CDC42BPG: variants seen among roughly 807,000 people sequenced by gnomAD.
CDC42BPG encodes serine/threonine-protein kinase MRCK gamma.
Under a neutral mutation model 192.2 loss-of-function variants are expected in CDC42BPG, and 157 were observed. That is an observed-to-expected ratio of 0.82 (90% CI 0.72 to 0.93). The LOEUF is 0.93. Ranked by LOEUF, CDC42BPG falls within the 40% of genes least tolerant of loss-of-function variation. CDC42BPG has a pLI of 0.00. For missense variants in CDC42BPG, 1,992 were observed against 2,122.1 expected (o/e 0.94, Z 1.20); for synonymous variants, 981 against 918.5 (o/e 1.07, Z -1.23).
In CDC42BPG at chr11:64,839,622, GC is replaced by G. The variant is rs754400903; in HGVS notation, c.582-52del. The G allele has an allele frequency of 6.7e-6, 10 of 1,485,292 alleles. No individual in the cohort carries two copies. In the African/African-American group the frequency reaches 1.1e-4, roughly 16 times the overall value. The allele number at this position is 1,485,292 out of a possible 1,614,324, so 92.0% of individuals were successfully genotyped here. On this transcript the variant is annotated intron_variant, in intron 5 of 36. Transcript: ENST00000342711. Reference sequence around the variant, plus strand: ...GAGGCGTTTGACCTGTGTGTAAGTGGCCATTTAGGCACACGCCCAGGTGCAC... The same window carrying G: ...GAGGCGTTTGACCTGTGTGTAAGTGGCATTTAGGCACACGCCCAGGTGCAC...
chr11:64,823,793 T>C lies in CDC42BPG; in HGVS notation c.*680A>G, dbSNP rs1269467657. On this transcript the variant is annotated 3_prime_UTR_variant, in exon 37 of 37. Transcript: ENST00000342711. ...CACCCCTCCCCAGAGAAAGGACCCT[T>C]TGTTCTCCAGACTCCCTCTCTCCTC... 1 of 153,506 alleles carries C rather than the reference T, an allele frequency of 6.5e-6. No homozygotes were observed. The highest frequency in any genetic ancestry group is 2.4e-5 in the African/African-American group (1 of 41,406). 9.5% of individuals were successfully genotyped at this position (153,506 alleles called of 1,614,324 possible).
intron 4 of CDC42BPG, 140 bp from the exon 5 acceptor site, chr11:64,840,408 G>A (rs1943228277): frequency 2.8e-6 from 4 of 1,403,946 alleles, no homozygotes; most frequent in Non-Finnish European, 3.9e-6. Flanking sequence ...GGCTCAGGCA[G>A]GAGGCGCCAA....
At chr11:64,841,511 A>C (rs1943279968) in intron 3 of CDC42BPG, 139 bp downstream of exon 3, 1 of 688,790 alleles carries the variant, frequency 1.5e-6, no homozygotes. Context: ...AAGATAACAA[A>C]TCAGTGGCTG....
At position 64,830,263 on chromosome 11, in the gene CDC42BPG, G is replaced by A. The variant is rs766955680; in HGVS notation, c.3305-7C>T. 1.0e-5 allele frequency: 16 copies of A among 1,599,398 alleles called. No homozygotes were observed. Among genetic ancestry groups the A allele is most frequent in the Middle Eastern group, 1.6e-4 (1 of 6,070 alleles). ...AGCGCAAGTCGATCCTGGTCTGGTA[G>A]AGGGAGGCAGAGGGTCAGAGGTCAG... On this transcript the variant is annotated splice_polypyrimidine_tract_variant and splice_region_variant and intron_variant, in intron 28 of 36. Coordinates refer to ENST00000342711, the MANE Select transcript of CDC42BPG (RefSeq NM_017525.3).
rs78269641 is a variant in CDC42BPG at position 64,839,552 on chromosome 11, C to T, written c.601G>A (p.Val201Ile). 6.5e-3 allele frequency: 10,514 copies of T among 1,612,536 alleles called. 46 individuals carry two copies. The highest frequency in any genetic ancestry group is 7.3e-3 in the Non-Finnish European group (8,610 of 1,179,766). The change falls in exon 6 of 37, where the codon GTC (valine) becomes ATC (isoleucine). Residue 201 changes from valine (V) to isoleucine (I), a missense_variant. Val to Ile is a conservative substitution (Grantham distance 29). Transcript: ENST00000342711. ...YVHRDVKPDN[V>I]LLDVNGHIRL... ...ATGTGCCCGTTCACATCCAGCAGGA[C>T]GTTGTCTGGCTTGACATCCCTGGGG...
At position 64,824,206 on chromosome 11, in the gene CDC42BPG, T is replaced by C; in HGVS notation, c.*267A>G. ...ATAAGAGCTTTGGCACAATCACCCC[T>C]GGACACCAGAACAAAAGGGGCCATT... On this transcript the variant is annotated 3_prime_UTR_variant, in exon 37 of 37. Coordinates refer to ENST00000342711, the MANE Select transcript of CDC42BPG (RefSeq NM_017525.3). The C allele has an allele frequency of 1.9e-6, 1 of 535,654 alleles. No homozygotes were observed. The allele number at this position is 535,654 out of a possible 1,614,324, so 33.2% of individuals were successfully genotyped here.
chr11:64,836,378 C>CCACCTCACA (rs2136333154), intron 12 of CDC42BPG, 49 bp downstream of exon 12: 3 of 1,606,018 alleles, frequency 1.9e-6, no homozygotes, highest in Non-Finnish European at 2.6e-6. Flanking sequence ...GGCCACTCAC[C>CCACCTCACA]CACCTCACCC....
At chr11:64,835,209 G>A (rs918796904) in intron 16 of CDC42BPG, 56 bp from the exon 17 acceptor site, 79 of 1,601,776 alleles carry the variant, frequency 4.9e-5, no homozygotes, top group African/African-American at 3.7e-4. Flanking sequence ...TGGGACTGCC[G>A]TCTCCCTGTA....
intron 28 of CDC42BPG, 132 bp from the exon 29 acceptor site, chr11:64,830,388 C>T: frequency 1.3e-6 from 1 of 770,284 alleles, no homozygotes; most frequent in Admixed American, 2.0e-5. Context: ...CTGTCCCTGC[C>T]TCACTGACCC....
Position 64,835,261 on chromosome 11 carries a change from C to T in CDC42BPG, c.1953+86G>A, listed in dbSNP as rs1942925696. ...GAGCCCCGTCCATGTCCACCCTGCT[C>T]ACTGGCTGCAGCTTGCCCACCCCTC... On this transcript the variant is annotated intron_variant, in intron 16 of 36. Transcript: ENST00000342711. 25 of 1,608,888 alleles carry T rather than the reference C, an allele frequency of 1.6e-5. 1 individual carries two copies. In the South Asian group the frequency reaches 2.6e-4, roughly 17 times the overall value.
intron 24 of CDC42BPG, 128 bp from the exon 25 acceptor site, chr11:64,833,087 A>G: frequency 7.6e-7 from 1 of 1,308,302 alleles, no homozygotes; most frequent in East Asian, 2.5e-5. Flanking sequence ...CCAATTCCTC[A>G]TCAAGTGAGA....
At position 64,833,647 on chromosome 11, in the gene CDC42BPG, T is replaced by C; in HGVS notation, c.2578A>G (p.Arg860Gly). The C allele has an allele frequency of 6.2e-7, 1 of 1,612,354 alleles. No homozygotes were observed. The highest frequency in any genetic ancestry group is 8.5e-7 in the Non-Finnish European group (1 of 1,179,542). Residue 860 changes from arginine (R) to glycine (G), a missense_variant, in exon 23 of 37, where the codon AGA (arginine) becomes GGA (glycine). Arg to Gly is a moderately radical substitution (Grantham distance 125, BLOSUM62 -2). Coordinates refer to ENST00000342711, the MANE Select transcript of CDC42BPG (RefSeq NM_017525.3). The stretch of plus-strand genomic sequence containing the variant: ...GAGGCTGTGTTGGCAGTGGGTGCTC[T>C]GGGGAACACAGCCTGCAGGAGGGCG... ...RSLRMGAVFP[R>G]APTANTASTE...
chr11:64,838,862 G>C lies in CDC42BPG; in HGVS notation c.917C>G (p.Ala306Gly). 6.2e-7 allele frequency: 1 copy of C among 1,611,456 alleles called. No individual in the cohort carries two copies. The highest frequency in any genetic ancestry group is 8.5e-7 in the Non-Finnish European group (1 of 1,179,910). The change falls in exon 8 of 37, where the codon GCC becomes GGC. Residue 306 changes from alanine to glycine, a missense_variant. By Grantham distance (60) the Ala-to-Gly change is moderately conservative. Coordinates refer to ENST00000342711, the MANE Select transcript of CDC42BPG (RefSeq NM_017525.3). ...QFPPDVPDVP[A>G]SAQDLIRQLL... is the part of the protein sequence containing the mutation. Reference sequence around the variant, plus strand: ...CTGGCGGATCAGGTCTTGGGCGCTGGCTGGCACGTCAGGCACGTCCGGGGG... The same window carrying C: ...CTGGCGGATCAGGTCTTGGGCGCTGCCTGGCACGTCAGGCACGTCCGGGGG...
chr11:64,839,405 T>TG lies in CDC42BPG; in HGVS notation c.675+72dup, dbSNP rs200975917. Reference sequence around the variant, plus strand: ...GGGCCTGATGCCTCTGCACTAGGCCTGGGGCCTCCCATTTTCCTGAGAGCT... The same window carrying TG: ...GGGCCTGATGCCTCTGCACTAGGCCTGGGGGCCTCCCATTTTCCTGAGAGCT... On this transcript the variant is annotated intron_variant, in intron 6 of 36. Coordinates refer to ENST00000342711, the MANE Select transcript of CDC42BPG (RefSeq NM_017525.3). 1.0e-3 allele frequency: 1,530 copies of TG among 1,532,768 alleles called. 20 individuals are homozygous for TG. The African/African-American group carries it at 0.018, about 18-fold the overall frequency. 94.9% of individuals were successfully genotyped at this position (1,532,768 alleles called of 1,614,324 possible). A position where few individuals can be genotyped will look rare whatever the true frequency, so the allele number is the denominator to read the frequency against.
At chr11:64,827,488 C>G in intron 32 of CDC42BPG, 39 bp downstream of exon 32, 1 of 1,604,420 alleles carries the variant, frequency 6.2e-7, no homozygotes, top group Non-Finnish European at 8.5e-7. Context: ...CACGTGCGCA[C>G]TGGGGAACGC....
intron 2 of CDC42BPG, 37 bp from the exon 3 acceptor site, chr11:64,841,770 G>T (rs745459570): frequency 6.2e-7 from 1 of 1,612,702 alleles, no homozygotes; most frequent in South Asian, 1.1e-5. Context: ...AGCCCAGCCC[G>T]GTGTGAACAC....
At chr11:64,834,775 T>A in intron 18 of CDC42BPG, 74 bp downstream of exon 18, 1 of 1,442,468 alleles carries the variant, frequency 6.9e-7, no homozygotes, top group Non-Finnish European at 9.6e-7. Flanking sequence ...TGACCTTCAG[T>A]AGCAGGGATG....
At chr11:64,826,617 G>A (rs1227339479) in intron 35 of CDC42BPG, 54 bp downstream of exon 35, 6 of 1,590,192 alleles carry the variant, frequency 3.8e-6, no homozygotes, top group Non-Finnish European at 5.1e-6. Flanking sequence ...ATCCAAAGGG[G>A]GTAGAAACTT....
chr11:64,836,851 C>T (rs974930764), intron 10 of CDC42BPG, 32 bp from the exon 11 acceptor site: 18 of 1,609,548 alleles, frequency 1.1e-5, no homozygotes, highest in Non-Finnish European at 1.4e-5. Context: ...CAGGTGAGTC[C>T]ACTCCTCCAT....
Sources: allele counts gnomAD v4.1 joint callset, GRCh38; gene constraint gnomAD v4.1.1; transcripts MANE v1.5; gene names NCBI Gene and HGNC (gene_info 2026-07-23, HGNC 2026-07-21).